The following AGRN variants were observed in gnomAD, a reference collection of about 807,000 sequenced individuals.
AGRN encodes agrin.
In AGRN, 106 loss-of-function variants were observed where a neutral mutation model predicts 211.0. That is an observed-to-expected ratio of 0.50 (90% confidence interval 0.43 to 0.59). The LOEUF (loss-of-function observed/expected upper bound fraction) is 0.59, where lower values mean the gene tolerates loss of function less well. Ranked by LOEUF, AGRN falls within the 20% of genes least tolerant of loss-of-function variation. AGRN has a pLI of 0.00. For synonymous variants in AGRN, 1,525 were observed against 1,332.5 expected, an observed-to-expected ratio of 1.14 and a Z score of -3.15; for missense variants, 3,040 against 2,982.6, an observed-to-expected ratio of 1.02 and a Z score of -0.45.
At position 1,055,163 on chromosome 1, in the gene AGRN, C is replaced by A; in HGVS notation, c.*182C>A. On this transcript the variant is annotated 3_prime_UTR_variant, in exon 36 of 36. Coordinates refer to ENST00000379370, the MANE Select transcript of AGRN (RefSeq NM_198576.4). ...GAGGGATGGACAGGCGAGGTGGCAG[C>A]GTGGAGGGCTCGGCGTGGATGGCAG... 2 of 995,674 alleles carry A rather than the reference C, an allele frequency of 2.0e-6. No individual in the cohort carries two copies. The highest frequency in any genetic ancestry group is 3.0e-6 in the Non-Finnish European group (2 of 672,984). 61.7% of individuals were successfully genotyped at this position (995,674 alleles called of 1,614,324 possible).
Position 1,020,344 on chromosome 1 carries a change from G to T in AGRN, c.172G>T (p.Asp58Tyr). 1 of 1,494,678 alleles carries T rather than the reference G, an allele frequency of 6.7e-7. No homozygotes were observed. The allele number at this position is 1,494,678 out of a possible 1,614,324, so 92.6% of individuals were successfully genotyped here. A position where few individuals can be genotyped will look rare whatever the true frequency, so the allele number is the denominator to read the frequency against. ...TGTVEEILNVDPVQHTYSCKV... is the reference protein window; with the variant it reads ...TGTVEEILNVYPVQHTYSCKV... ...GACGGTGGAGGAGATCCTCAACGTG[G>T]ACCCGGTGCAGCACACGTACTCCTG... The change falls in exon 1 of 36, where the codon GAC becomes TAC. Residue 58 changes from aspartate (D) to tyrosine (Y), a missense_variant. Physicochemically the swap from Asp to Tyr is radical, Grantham distance 160. Coordinates refer to ENST00000379370, the MANE Select transcript of AGRN (RefSeq NM_198576.4).
Position 1,046,088 on chromosome 1 carries a change from G to GGT in AGRN, c.2805+2_2805+3dup. Reference sequence around the variant, plus strand: ...CCTGTCCAGAGGCCAACGCTACCAAGGTGAGGGGTGTGGGATGTGAAGGGG... The same window carrying GGT: ...CCTGTCCAGAGGCCAACGCTACCAAGGTGTGAGGGGTGTGGGATGTGAAGGGG... On this transcript the variant is annotated frameshift_variant and splice_region_variant. Transcript: ENST00000379370. LOFTEE classifies it high-confidence loss of function. 1 of 1,614,050 alleles carries GGT rather than the reference G, an allele frequency of 6.2e-7. No individual in the cohort carries two copies. The highest frequency in any genetic ancestry group is 8.5e-7 in the Non-Finnish European group (1 of 1,180,010).
rs775881320 is a variant in AGRN at position 1,044,407 on chromosome 1, G to A, written c.2222G>A (p.Gly741Glu). The stretch of plus-strand genomic sequence containing the variant: ...AAGGCCAGGTGTGAGTCACAGCGAG[G>A]GCTCTACGTAGCGGCCCAGGGAGCC... ...LKKARCESQR[G>E]LYVAAQGACR... Residue 741 changes from glycine to glutamate, a missense_variant, in exon 12 of 36, where the codon GGG becomes GAG. By Grantham distance (98) the Gly-to-Glu change is moderately conservative. This residue lies in a region of AGRN where 1,498 missense variants were observed against 1,457.8 expected (regional missense o/e 1.03). Transcript: ENST00000379370. The A allele has an allele frequency of 6.2e-7, 1 of 1,612,184 alleles. No individual in the cohort carries two copies. The highest frequency in any genetic ancestry group is 8.5e-7 in the Non-Finnish European group (1 of 1,179,592).
At position 1,051,599 on chromosome 1, in the gene AGRN, T is replaced by C. The variant is rs762990105; in HGVS notation, c.5517T>C (p.Tyr1839=). The C allele has an allele frequency of 3.1e-6, 5 of 1,607,606 alleles. No individual in the cohort carries two copies. Among genetic ancestry groups the C allele is most frequent in the Non-Finnish European group, 4.3e-6 (5 of 1,176,448 alleles). The part of the protein sequence containing the change: ...GASCVPREAA[Y]VCLCPGGFSG... ...CCTGCGTCCCGAGGGAGGCTGCCTA[T>C]GTGTGCCTGTGTCCCGGGGGATTCT... The change falls in exon 32 of 36, where the codon TAT becomes TAC. Residue 1839 remains tyrosine, a synonymous_variant. Coordinates refer to ENST00000379370, the MANE Select transcript of AGRN (RefSeq NM_198576.4).
chr1:1,048,388 A>T lies in AGRN; in HGVS notation c.4105+23A>T. 1.0e-5 allele frequency: 11 copies of T among 1,068,392 alleles called. No individual in the cohort carries two copies. The highest frequency in any genetic ancestry group is 1.5e-5 in the Non-Finnish European group (11 of 757,008). 66.2% of individuals were successfully genotyped at this position (1,068,392 alleles called of 1,614,324 possible). On this transcript the variant is annotated intron_variant, in intron 23 of 35. Coordinates refer to ENST00000379370, the MANE Select transcript of AGRN (RefSeq NM_198576.4). This position sits in a 1 kb window ranked among gnomAD's most constrained non-coding sequence, Gnocchi z 5.9. ...AGGGTAAGGATGTCCACTGCAGAGG[A>T]GGGCGGGGAGGCAGCAGGGTGGGGG...
At chr1:1,037,009 G>A (rs1172040369) in intron 3 of AGRN, among the ~76,000 whole-genome samples, 2 of 152,140 alleles carry the variant, frequency 1.3e-5, no homozygotes, top group African/African-American at 4.8e-5. Context: ...TGTCCTGGAA[G>A]ACCCTCTCCC....
Position 1,020,388 on chromosome 1 carries a change from AC to A in AGRN, c.201+19del. 2.7e-6 allele frequency: 4 copies of A among 1,489,730 alleles called. No homozygotes were observed. The highest frequency in any genetic ancestry group is 2.9e-5 in the East Asian group (1 of 34,372). 92.3% of individuals were successfully genotyped at this position (1,489,730 alleles called of 1,614,324 possible). ...ACTCCTGCAAGGTGCGCCCACCCGG[AC>A]CCCGGCCTCCCCTCGCGACGCCTGC... On this transcript the variant is annotated intron_variant, in intron 1 of 35. Coordinates refer to ENST00000379370, the MANE Select transcript of AGRN (RefSeq NM_198576.4).
intron 2 of AGRN, among the ~76,000 whole-genome samples, chr1:1,024,307 A>G (rs2100569840): frequency 6.6e-6 from 1 of 152,016 alleles, no homozygotes; most frequent in South Asian, 2.1e-4. Context: ...CCCTCCCCTC[A>G]CACTGGGTGG....
In AGRN at chr1:1,041,515, C is replaced by T. The variant is rs1464598183; in HGVS notation, c.990C>T (p.Ser330=). The change falls in exon 6 of 36, where the codon AGC becomes AGT. Residue 330 remains serine (S), a synonymous_variant. Transcript: ENST00000379370. ...GCGCCCTCCCTGACCCGAGCCGCAG[C>T]TGCCGTGTGAACCCGCGCACGCGGC... is the stretch of plus-strand genomic sequence containing the variant. The part of the protein sequence containing the change: ...CQGALPDPSR[S]CRVNPRTRRP... 1 of 1,601,276 alleles carries T rather than the reference C, an allele frequency of 6.2e-7. No individual in the cohort carries two copies.
In AGRN at chr1:1,044,030, C is replaced by T. The variant is rs1219114028; in HGVS notation, c.1999+7C>T. 8 of 1,610,370 alleles carry T rather than the reference C, an allele frequency of 5.0e-6. No individual in the cohort carries two copies. The highest frequency in any genetic ancestry group is 2.2e-5 in the East Asian group (1 of 44,872). ...GCAGGGCCGTGCGAGCAGGGTAGGC[C>T]GGGGGACGCTGGCGAAAACTGCTGG... On this transcript the variant is annotated splice_region_variant and intron_variant, in intron 10 of 35. Transcript: ENST00000379370.
chr1:1,025,123 C>T (rs542604069), intron 2 of AGRN, among the ~76,000 whole-genome samples: 20 of 152,322 alleles, frequency 1.3e-4, no homozygotes, highest in African/African-American at 4.6e-4. Flanking sequence ...GCCCATCCCT[C>T]CCTGCTAGGA....
Position 1,047,368 on chromosome 1 carries a change from G to A in AGRN, c.3430G>A (p.Glu1144Lys), listed in dbSNP as rs200603885. Residue 1144 changes from glutamate to lysine, a missense_variant, in exon 20 of 36, where the codon GAG becomes AAG. Around this residue, in one of 3 missense-constraint regions of AGRN, gnomAD observed 1,537 missense variants for 1,505.0 expected, o/e 1.02. Transcript: ENST00000379370. ...GGGCGTCCTGGAGCTGGAGGGCGTCGAGGGCCAGGAGCTGTTCTACACGCC... is the reference window on the plus strand; with the variant it reads ...GGGCGTCCTGGAGCTGGAGGGCGTCAAGGGCCAGGAGCTGTTCTACACGCC... ...FQGVLELEGV[E>K]GQELFYTPEM... 10 of 1,609,914 alleles carry A rather than the reference G, an allele frequency of 6.2e-6. No individual in the cohort carries two copies. The highest frequency in any genetic ancestry group is 2.2e-5 in the East Asian group (1 of 44,834).
chr1:1,052,471 CATGT>C (rs1206570254), intron 33 of AGRN: 2 of 274,380 alleles, frequency 7.3e-6, no homozygotes, highest in African/African-American at 2.3e-5. Flanking sequence ...TGCATGGCTC[CATGT>C]ATGTGTGTGT....
At chr1:1,025,124 C>T (rs1644491682) in intron 2 of AGRN, among the ~76,000 whole-genome samples, 1 of 152,204 alleles carries the variant, frequency 6.6e-6, no homozygotes, top group Non-Finnish European at 1.5e-5. Context: ...CCCATCCCTC[C>T]CTGCTAGGAG....
rs780614154 is a variant in AGRN at position 1,040,696 on chromosome 1, C to A, written c.543C>A (p.Ala181=). Residue 181 remains alanine, a synonymous_variant, in exon 4 of 36, where the codon GCC becomes GCA. Transcript: ENST00000379370. The part of the protein sequence containing the change: ...ACRGMLCGFG[A]VCEPNAEGPG... ...GGGGAATGCTGTGCGGCTTCGGCGC[C>A]GTGTGCGAGCCCAACGCGGAGGGGC... is the stretch of plus-strand genomic sequence containing the variant. 1.3e-6 allele frequency: 2 copies of A among 1,547,646 alleles called. No homozygotes were observed. Among genetic ancestry groups the A allele is most frequent in the Non-Finnish European group, 8.7e-7 (1 of 1,146,730 alleles).
At chr1:1,054,363 G>A in intron 34 of AGRN, 85 bp from the exon 35 acceptor site, 5 of 1,254,654 alleles carry the variant, frequency 4.0e-6, no homozygotes, top group South Asian at 2.6e-5. Context: ...CACCTGCAGG[G>A]CATAGGAAGG....
rs1228753928 is a variant in AGRN, at chr1:1,044,269, AC to A, written c.2148+16del. ...TCCCAGGCAGCCCGGTGAGCTCTGT[AC>A]CCCTGGCTCTCGGCGGGCGGCGGGG... On this transcript the variant is annotated intron_variant, in intron 11 of 35. Coordinates refer to ENST00000379370, the MANE Select transcript of AGRN (RefSeq NM_198576.4). The A allele has an allele frequency of 8.7e-6, 14 of 1,611,370 alleles. No individual in the cohort carries two copies. The highest frequency in any genetic ancestry group is 1.2e-5 in the Non-Finnish European group (14 of 1,179,578).
Position 1,045,737 on chromosome 1 carries a change from C to T in AGRN, c.2541C>T (p.Cys847=). 3.1e-6 allele frequency: 5 copies of T among 1,613,382 alleles called. No individual in the cohort carries two copies. The highest frequency in any genetic ancestry group is 1.1e-5 in the South Asian group (1 of 91,088). Reference sequence around the variant, plus strand: ...CCTCCCCGATTTTCCCCAAAGCCTGCAGCTGTGATCCCCAAGGCGCCGTGC... The same window carrying T: ...CCTCCCCGATTTTCCCCAAAGCCTGTAGCTGTGATCCCCAAGGCGCCGTGC... ...VTDGRSGCTP[C]SCDPQGAVRD... is the part of the protein sequence containing the mutation. The change falls in exon 15 of 36, where the codon TGC becomes TGT. Residue 847 remains cysteine (C), a synonymous_variant. Coordinates refer to ENST00000379370, the MANE Select transcript of AGRN (RefSeq NM_198576.4).
Position 1,043,879 on chromosome 1 carries a change from G to T in AGRN, c.1855G>T (p.Val619Leu). Reference protein sequence around the residue: ...FGAVCSAGQCVCPRCEHPPPG... With the variant: ...FGAVCSAGQCLCPRCEHPPPG... ...GGCTGTGTGCTCCGCAGGGCAGTGT[G>T]TGTGTCCCCGGTGTGAGCACCCCCC... Residue 619 changes from valine to leucine, a missense_variant, in exon 10 of 36, where the codon GTG (valine) becomes TTG (leucine). Coordinates refer to ENST00000379370, the MANE Select transcript of AGRN (RefSeq NM_198576.4). The T allele has an allele frequency of 6.2e-7, 1 of 1,611,626 alleles. No homozygotes were observed. Among genetic ancestry groups the T allele is most frequent in the African/African-American group, 1.3e-5 (1 of 75,004 alleles).
Sources: gnomAD v4.1 joint callset for allele counts (sites outside exome capture counted in the v4.1 genomes callset) on GRCh38, gnomAD v4.1.1 for gene constraint, gnomAD v4.1.1 regional missense constraint, Gnocchi (gnomAD v3.1) non-coding constraint, MANE v1.5 for transcripts, NCBI Gene and HGNC (gene_info 2026-07-23, HGNC 2026-07-21) for gene names.